The following MEF2A variants were observed in gnomAD, a reference collection of about 807,000 sequenced individuals.
MEF2A encodes myocyte-specific enhancer factor 2A.
A neutral mutation model predicts 55.8 loss-of-function variants in MEF2A; 28 were observed. The ratio of observed to expected loss-of-function variants is 0.50; its 90% confidence interval spans 0.37 to 0.69. The LOEUF (loss-of-function observed/expected upper bound fraction) is 0.69, where lower values mean the gene tolerates loss of function less well. MEF2A is among the 30% of genes least tolerant of loss of function. The probability of loss-of-function intolerance (pLI) is 0.00; values close to 1 mark genes in which losing one functional copy is unlikely to be tolerated. For missense variants in MEF2A, 528 were observed against 626.2 expected (o/e 0.84, Z 1.67); for synonymous variants, 239 against 227.1 (o/e 1.05, Z -0.47).
At chr15:99,608,341 A>C (rs907951050) in intron 2 of MEF2A, among the ~76,000 whole-genome samples, 2 of 152,242 alleles carry the variant, frequency 1.3e-5, no homozygotes, top group African/African-American at 4.8e-5. Context: ...CACTAATAGT[A>C]ACAGGCTGTA....
In MEF2A at chr15:99,654,656, T is replaced by C. The variant is rs1488642852; in HGVS notation, c.258+8892T>C. 2.6e-5 allele frequency among the ~76,000 whole-genome samples: 4 copies of C among 152,144 alleles called. No homozygotes were observed. The East Asian group carries it at 7.7e-4, about 29-fold the overall frequency. On this transcript the variant is annotated intron_variant, in intron 4 of 11. Transcript: ENST00000557942. The stretch of plus-strand genomic sequence containing the variant: ...GAGATTTGGCTGTGTTCAAGCGGGC[T>C]CCAGGTCTCTGCCTTTGCCCATGCA...
intron 2 of MEF2A, among the ~76,000 whole-genome samples, chr15:99,627,840 T>A (rs1056366988): frequency 6.6e-6 from 1 of 152,160 alleles, no homozygotes; most frequent in Non-Finnish European, 1.5e-5. Context: ...GTTGAGGAAG[T>A]GTTAAATTGT....
chr15:99,678,147 A>G (rs912428258), intron 7 of MEF2A, among the ~76,000 whole-genome samples: 2 of 152,338 alleles, frequency 1.3e-5, no homozygotes, highest in African/African-American at 4.8e-5. Flanking sequence ...AATTTCCATT[A>G]TATCTTTTTC....
chr15:99,661,480 C>T (rs1366902974), intron 4 of MEF2A, among the ~76,000 whole-genome samples: 2 of 148,340 alleles, frequency 1.3e-5, no homozygotes, highest in African/African-American at 5.0e-5. Context: ...TAGCCAAGGG[C>T]TTACATTGAC....
Position 99,708,080 on chromosome 15 carries a change from C to G in MEF2A, c.1009+1225C>G, listed in dbSNP as rs187761167. On this transcript the variant is annotated intron_variant, in intron 10 of 11. Coordinates refer to ENST00000557942, the MANE Select transcript of MEF2A (RefSeq NM_001319206.4). ...TTAGTGCCTTGCACAGAACAAGGTT[C>G]CAGAGTAAAGCCAGGGATGAAGCAT... Among the ~76,000 whole-genome samples, 3 of 152,332 alleles carry G rather than the reference C, an allele frequency of 2.0e-5. No homozygotes were observed. In the East Asian group the frequency reaches 5.8e-4, roughly 29 times the overall value.
intron 2 of MEF2A, among the ~76,000 whole-genome samples, chr15:99,616,623 CTG>C (rs1363808166): frequency 6.6e-6 from 1 of 152,040 alleles, no homozygotes; most frequent in African/African-American, 2.4e-5. Context: ...TTGGAATACT[CTG>C]TTTTCAGTAA....
intron 4 of MEF2A, among the ~76,000 whole-genome samples, chr15:99,647,233 G>C (rs1341962337): frequency 6.6e-6 from 1 of 150,632 alleles, no homozygotes; most frequent in Non-Finnish European, 1.5e-5. Context: ...ATTCAGGTAA[G>C]CTTTGTTAAG....
intron 2 of MEF2A, among the ~76,000 whole-genome samples, chr15:99,616,473 T>C (rs993634404): frequency 1.3e-5 from 2 of 152,178 alleles, no homozygotes; most frequent in African/African-American, 2.4e-5. Context: ...AGGTAACATA[T>C]TATAATGCAT....
intron 8 of MEF2A, among the ~76,000 whole-genome samples, chr15:99,700,948 ATAAC>A (rs766681474): frequency 3.3e-5 from 5 of 152,354 alleles, no homozygotes; most frequent in Admixed American, 6.5e-5. Flanking sequence ...TCCTTAGAAA[ATAAC>A]TAATTAATAA....
intron 1 of MEF2A, among the ~76,000 whole-genome samples, chr15:99,572,010 G>C (rs970107507): frequency 1.6e-5 from 2 of 122,142 alleles, no homozygotes; most frequent in South Asian, 3.2e-4. Context: ...TTGCTCCATA[G>C]AAGTTTTTTT....
At chr15:99,605,429 A>G (rs1041957724) in intron 2 of MEF2A, among the ~76,000 whole-genome samples, 2 of 152,146 alleles carry the variant, frequency 1.3e-5, no homozygotes, top group East Asian at 1.9e-4. Flanking sequence ...TCTTTCCTGC[A>G]TAATTATTCT....
intron 1 of MEF2A, among the ~76,000 whole-genome samples, chr15:99,571,226 C>T (rs1205320821): frequency 1.3e-5 from 2 of 151,786 alleles, no homozygotes; most frequent in African/African-American, 2.4e-5. Flanking sequence ...ACTTCCCATC[C>T]TAAGTTAAAA....
intron 1 of MEF2A, among the ~76,000 whole-genome samples, chr15:99,597,701 GTC>G (rs1971700750): frequency 6.6e-6 from 1 of 152,102 alleles, no homozygotes; most frequent in Non-Finnish European, 1.5e-5. Context: ...GACATGTGAT[GTC>G]TCCCCTGGAC....
intron 2 of MEF2A, among the ~76,000 whole-genome samples, chr15:99,627,419 CAAAAAAAAAAAAAAAAAAAA>C (rs139658538): frequency 4.6e-5 from 2 of 43,046 alleles, no homozygotes; most frequent in African/African-American, 2.2e-4. Flanking sequence ...GACTTTATCT[CAAAAAAAAAAAAAAAAAAAA>C]AAAAAAAAAA....
At chr15:99,611,339 G>A (rs1465994916) in intron 2 of MEF2A, among the ~76,000 whole-genome samples, 1 of 152,084 alleles carries the variant, frequency 6.6e-6, no homozygotes, top group African/African-American at 2.4e-5. Flanking sequence ...CTCTTACATC[G>A]CAACAATGAA....
rs191153945 is a variant in MEF2A, at chr15:99,573,686, C to T, written c.-225+7582C>T. On this transcript the variant is annotated intron_variant, in intron 1 of 11. Coordinates refer to ENST00000557942, the MANE Select transcript of MEF2A (RefSeq NM_001319206.4). ...GAGGGGGGAACCTTATGGAAATTAA[C>T]ACAGTATACATGAAATACATTACTA... Among the ~76,000 whole-genome samples the T allele has an allele frequency of 1.3e-4, 20 of 152,294 alleles. No homozygotes were observed. In the East Asian group the frequency reaches 2.9e-3, roughly 22 times the overall value.
intron 1 of MEF2A, among the ~76,000 whole-genome samples, chr15:99,579,831 C>A (rs1284035708): frequency 6.6e-6 from 1 of 152,090 alleles, no homozygotes; most frequent in Non-Finnish European, 1.5e-5. Flanking sequence ...GTGGGACTTG[C>A]AATTTTATGA....
intron 1 of MEF2A, among the ~76,000 whole-genome samples, chr15:99,576,857 T>TA (rs1448672920): frequency 6.6e-6 from 1 of 152,016 alleles, no homozygotes; most frequent in Non-Finnish European, 1.5e-5. Flanking sequence ...CCCTGTTAGC[T>TA]AGGATGGTCT....
At chr15:99,650,823 G>T (rs2046737689) in intron 4 of MEF2A, among the ~76,000 whole-genome samples, 1 of 152,176 alleles carries the variant, frequency 6.6e-6, no homozygotes, top group African/African-American at 2.4e-5. Context: ...AGCCCCAGAG[G>T]CTTCCTAGAA....
Sources: gnomAD v4.1 joint callset for allele counts (sites outside exome capture counted in the v4.1 genomes callset) on GRCh38, gnomAD v4.1.1 for gene constraint, MANE v1.5 for transcripts, NCBI Gene and HGNC (gene_info 2026-07-23, HGNC 2026-07-21) for gene names.